Variants in ACTR3C observed in about 807,000 individuals in gnomAD.
ACTR3C encodes actin-related protein 3C.
ACTR3C carries 18 observed loss-of-function variants against 26.3 expected under a neutral mutation model. The observed-to-expected ratio is 0.68, with a 90% CI of 0.47 to 1.01. ACTR3C has a LOEUF of 1.01. ACTR3C is among the 50% of genes least tolerant of loss of function. The pLI is 0.00. For synonymous variants in ACTR3C, 55 were observed against 94.5 expected (o/e 0.58, Z 2.42); for missense variants, 184 against 250.7 (o/e 0.73, Z 1.80).
chr7:150,124,785 G>A, the ACTR3C span, among the ~76,000 whole-genome samples: 5,576 of 149,516 alleles, frequency 0.037, 263 homozygotes, highest in African/African-American at 0.11. Context: ...AGTAACAGTA[G>A]CAACAAGAAT....
intron 6 of ACTR3C, chr7:150,264,513 A>T (rs1276447352): frequency 1.2e-6 from 1 of 838,776 alleles, no homozygotes; most frequent in African/African-American, 1.9e-5. Flanking sequence ...GAGAGACAGA[A>T]AAAGGGCAAA....
chr7:150,221,776 C>T, the ACTR3C span, among the ~76,000 whole-genome samples: 1 of 152,072 alleles, frequency 6.6e-6, no homozygotes, highest in Non-Finnish European at 1.5e-5. Context: ...GGGCGGATCA[C>T]GAGGTCAGGA....
chr7:150,120,459 C>G, the ACTR3C span, among the ~76,000 whole-genome samples: 1 of 152,284 alleles, frequency 6.6e-6, no homozygotes, highest in South Asian at 2.1e-4. Flanking sequence ...ATAAACACCT[C>G]TATGCAAATA....
chr7:150,095,811 A>G, the ACTR3C span, among the ~76,000 whole-genome samples: 1 of 150,678 alleles, frequency 6.6e-6, no homozygotes, highest in Non-Finnish European at 1.5e-5. Flanking sequence ...TTATTAGTGC[A>G]TTGGTTCCAT....
At chr7:150,041,664 C>A in the ACTR3C span, among the ~76,000 whole-genome samples, 2 of 110,932 alleles carry the variant, frequency 1.8e-5, no homozygotes, top group Non-Finnish European at 3.6e-5. Context: ...AGGGTAGCAA[C>A]AGCCGGGGGT....
At chr7:150,000,277 AG>A in the ACTR3C span, among the ~76,000 whole-genome samples, 6 of 148,322 alleles carry the variant, frequency 4.0e-5, no homozygotes, top group African/African-American at 1.5e-4. Flanking sequence ...AAAAGCATAA[AG>A]GTATTGCCTC....
chr7:150,015,371 TC>T, the ACTR3C span, among the ~76,000 whole-genome samples: 2 of 152,094 alleles, frequency 1.3e-5, no homozygotes, highest in African/African-American at 4.8e-5. Flanking sequence ...TAGGGAGACG[TC>T]CCCAAGAAAG....
the ACTR3C span, among the ~76,000 whole-genome samples, chr7:150,208,751 G>A: frequency 6.6e-6 from 1 of 152,040 alleles, no homozygotes; most frequent in Non-Finnish European, 1.5e-5. Flanking sequence ...ACAATATCTG[G>A]CATCCAATCA....
At chr7:150,103,186 T>G in the ACTR3C span, among the ~76,000 whole-genome samples, 1 of 151,838 alleles carries the variant, frequency 6.6e-6, no homozygotes, top group Admixed American at 6.6e-5. Flanking sequence ...GATCACCAGG[T>G]GAATGCCTGG....
At chr7:150,299,964 G>GT (rs34491838) in intron 1 of ACTR3C, among the ~76,000 whole-genome samples, 9,301 of 150,498 alleles carry the variant, frequency 0.062, 892 homozygotes, top group African/African-American at 0.21. Flanking sequence ...TAGTATTAGG[G>GT]TTTTTTTTTA....
chr7:150,042,103 T>C, the ACTR3C span, among the ~76,000 whole-genome samples: 1 of 73,102 alleles, frequency 1.4e-5, no homozygotes, highest in African/African-American at 5.2e-5. Context: ...TCGCGGGGGG[T>C]GCCTCCCCCC....
the ACTR3C span, among the ~76,000 whole-genome samples, chr7:149,902,850 TG>T: frequency 1.2e-5 from 1 of 85,240 alleles, no homozygotes; most frequent in African/African-American, 3.2e-5. Flanking sequence ...GAGGCTGAGG[TG>T]GGAGGATCTC....
the ACTR3C span, among the ~76,000 whole-genome samples, chr7:150,041,907 A>G: frequency 1.0e-5 from 1 of 96,376 alleles, no homozygotes; most frequent in Non-Finnish European, 2.4e-5. Context: ...GGGTCCTCAG[A>G]GCCAGGGGGG....
chr7:150,312,453 C>T (rs1257659319), intron 1 of ACTR3C, among the ~76,000 whole-genome samples: 1 of 152,194 alleles, frequency 6.6e-6, no homozygotes, highest in African/African-American at 2.4e-5. Flanking sequence ...ATATGACAGA[C>T]AATGGGGACA....
chr7:150,195,958 C>A, the ACTR3C span, among the ~76,000 whole-genome samples: 1 of 152,152 alleles, frequency 6.6e-6, no homozygotes, highest in African/African-American at 2.4e-5. Flanking sequence ...TGCTATAATT[C>A]TTATCTTTGT....
the ACTR3C span, among the ~76,000 whole-genome samples, chr7:150,003,366 C>G: frequency 6.6e-6 from 1 of 152,426 alleles, no homozygotes; most frequent in East Asian, 1.9e-4. Flanking sequence ...GTGGTGTGTG[C>G]TGTGTGTGTG....
At chr7:150,279,392 T>A (rs55732298) in intron 6 of ACTR3C, among the ~76,000 whole-genome samples, 1 of 152,308 alleles carries the variant, frequency 6.6e-6, no homozygotes, top group South Asian at 2.1e-4. Context: ...CACATAATTA[T>A]ATATATTCAA....
chr7:150,230,989 A>G, the ACTR3C span, among the ~76,000 whole-genome samples: 29 of 152,062 alleles, frequency 1.9e-4, 1 homozygote, highest in South Asian at 4.8e-3. Flanking sequence ...AGATATTATC[A>G]ATTTCTGCTC....
chr7:150,150,147 G>C, the ACTR3C span, among the ~76,000 whole-genome samples: 1 of 152,152 alleles, frequency 6.6e-6, no homozygotes, highest in East Asian at 1.9e-4. Flanking sequence ...TCTCTGGCTG[G>C]CGTCATCCAA....
Sources: allele counts gnomAD v4.1 joint callset (sites outside exome capture counted in the v4.1 genomes callset), GRCh38; gene constraint gnomAD v4.1.1; transcripts MANE v1.5; gene names NCBI Gene and HGNC (gene_info 2026-07-23, HGNC 2026-07-21).